BCL2: variants seen among roughly 807,000 people sequenced by gnomAD.
The protein encoded by BCL2 is BCL2 apoptosis regulator, also known as apoptosis regulator Bcl-2.
BCL2 carries 1 observed loss-of-function variant against 14.2 expected under a neutral mutation model. The observed-to-expected ratio is 0.07, with a 90% CI of 0.02 to 0.33. The LOEUF is 0.33. Ranked by LOEUF, BCL2 falls within the 10% of genes least tolerant of loss-of-function variation. The pLI is 0.99. For missense variants in BCL2, 247 were observed against 305.9 expected, an observed-to-expected ratio of 0.81 and a Z score of 1.44; for synonymous variants, 151 against 137.2, an observed-to-expected ratio of 1.10 and a Z score of -0.70.
intron 2 of BCL2, among the ~76,000 whole-genome samples, chr18:63,238,470 T>A (rs1599262443): frequency 6.6e-6 from 1 of 152,222 alleles, no homozygotes; most frequent in South Asian, 2.1e-4. Context: ...AAAAATCCCA[T>A]AGGCATGGGG....
intron 2 of BCL2, among the ~76,000 whole-genome samples, chr18:63,144,246 C>T (rs1914449613): frequency 6.6e-6 from 1 of 152,176 alleles, no homozygotes; most frequent in African/African-American, 2.4e-5. Flanking sequence ...CATAGGCAAA[C>T]CACTTTAAAA....
At chr18:63,244,811 G>C (rs1008438896) in intron 2 of BCL2, among the ~76,000 whole-genome samples, 2 of 152,156 alleles carry the variant, frequency 1.3e-5, no homozygotes, top group Non-Finnish European at 2.9e-5. Context: ...GGCCTCTGTG[G>C]ATTCCTTTTT....
intron 2 of BCL2, among the ~76,000 whole-genome samples, chr18:63,165,439 C>T (rs558540126): frequency 1.3e-5 from 2 of 152,298 alleles, no homozygotes; most frequent in Non-Finnish European, 1.5e-5. Context: ...CTGCAGACCT[C>T]CCTGGCTTGG....
intron 2 of BCL2, among the ~76,000 whole-genome samples, chr18:63,309,349 T>C (rs1913236063): frequency 1.3e-5 from 2 of 152,226 alleles, no homozygotes; most frequent in African/African-American, 2.4e-5. Context: ...ACTGGGCATT[T>C]CCACTTGGAT....
chr18:63,156,116 G>A (rs1024404632), intron 2 of BCL2, among the ~76,000 whole-genome samples: 22 of 142,778 alleles, frequency 1.5e-4, no homozygotes, highest in African/African-American at 5.5e-4. Flanking sequence ...AGGCTTGGAC[G>A]GCATCAGACG....
chr18:63,168,729 C>G lies in BCL2; in HGVS notation c.586-39970G>C, dbSNP rs1915106758. Among the ~76,000 whole-genome samples the G allele has an allele frequency of 2.6e-5, 4 of 152,328 alleles. No homozygotes were observed. The South Asian group carries it at 8.3e-4, about 32-fold the overall frequency. ...TATTGGTATGTCTGGCCTCTGTCGCCTAAATTTCCAAAGATTCCCTCATCT... is the reference window on the plus strand; with the variant it reads ...TATTGGTATGTCTGGCCTCTGTCGCGTAAATTTCCAAAGATTCCCTCATCT... On this transcript the variant is annotated intron_variant, in intron 2 of 2. Transcript: ENST00000333681.
chr18:63,220,807 T>A (rs7230177), intron 2 of BCL2, among the ~76,000 whole-genome samples: 1 of 151,392 alleles, frequency 6.6e-6, no homozygotes. Flanking sequence ...TCCTGAAAGA[T>A]GTCTTCAAGG....
chr18:63,184,736 T>A (rs1294002887), intron 2 of BCL2, among the ~76,000 whole-genome samples: 2 of 152,236 alleles, frequency 1.3e-5, no homozygotes, highest in Non-Finnish European at 2.9e-5. Context: ...CCGACCATGA[T>A]GAATTCAGCA....
rs1002127766 is a variant in BCL2 at position 63,124,373 on chromosome 18, C to T, written c.*4252G>A. Reference sequence around the variant, plus strand: ...GACATATCCAGCTTGAAATTTATACCATTGCACTGCCAAACGGAGCTGCAC... The same window carrying T: ...GACATATCCAGCTTGAAATTTATACTATTGCACTGCCAAACGGAGCTGCAC... On this transcript the variant is annotated 3_prime_UTR_variant, in exon 3 of 3. Transcript: ENST00000333681. 4.3e-6 allele frequency: 1 copy of T among 230,968 alleles called. No homozygotes were observed. Among genetic ancestry groups the T allele is most frequent in the African/African-American group, 2.2e-5 (1 of 45,158 alleles). 14.3% of individuals were successfully genotyped at this position (230,968 alleles called of 1,614,324 possible).
At chr18:63,147,009 A>G (rs1914529877) in intron 2 of BCL2, among the ~76,000 whole-genome samples, 1 of 152,232 alleles carries the variant, frequency 6.6e-6, no homozygotes, top group South Asian at 2.1e-4. Flanking sequence ...TGGCAATGGA[A>G]CACATCCTTT....
chr18:63,219,564 C>A (rs1033774485), intron 2 of BCL2, among the ~76,000 whole-genome samples: 1 of 149,624 alleles, frequency 6.7e-6, no homozygotes, highest in Non-Finnish European at 1.5e-5. Context: ...TCAAGCAATT[C>A]TCCTGTCTCA....
intron 2 of BCL2, among the ~76,000 whole-genome samples, chr18:63,210,283 T>C (rs1909963510): frequency 6.6e-6 from 1 of 152,140 alleles, no homozygotes; most frequent in Non-Finnish European, 1.5e-5. Context: ...TGGCGATTAG[T>C]GGAGGCCTTG....
At chr18:63,251,928 A>G (rs1351732514) in intron 2 of BCL2, among the ~76,000 whole-genome samples, 2 of 151,984 alleles carry the variant, frequency 1.3e-5, no homozygotes, top group Admixed American at 6.5e-5. Context: ...CAAACTCCTA[A>G]CCTCAGGTGA....
intron 2 of BCL2, among the ~76,000 whole-genome samples, chr18:63,297,482 G>C (rs1568262030): frequency 6.6e-6 from 1 of 152,092 alleles, no homozygotes; most frequent in African/African-American, 2.4e-5. Flanking sequence ...CCACAGCCAC[G>C]GCACTGGAGA....
intron 2 of BCL2, among the ~76,000 whole-genome samples, chr18:63,182,259 C>G (rs1216793728): frequency 6.6e-6 from 1 of 152,152 alleles, no homozygotes; most frequent in Non-Finnish European, 1.5e-5. Context: ...GAAGCTGTTC[C>G]CTATCCAGAG....
chr18:63,207,038 G>A lies in BCL2; in HGVS notation c.586-78279C>T, dbSNP rs568524819. 3.9e-5 allele frequency among the ~76,000 whole-genome samples: 6 copies of A among 152,288 alleles called. No homozygotes were observed. The South Asian group carries it at 1.0e-3, about 26-fold the overall frequency. On this transcript the variant is annotated intron_variant, in intron 2 of 2. Transcript: ENST00000333681. ...GGCTCGTGGTGAGCTGGCTGAATTCGGGGTAAACAAGAGGAGATTTCATGC... is the reference window on the plus strand; with the variant it reads ...GGCTCGTGGTGAGCTGGCTGAATTCAGGGTAAACAAGAGGAGATTTCATGC...
At chr18:63,249,137 AC>A (rs1475147258) in intron 2 of BCL2, among the ~76,000 whole-genome samples, 2 of 151,130 alleles carry the variant, frequency 1.3e-5, no homozygotes, top group African/African-American at 2.5e-5. Context: ...CTTTTCAGAA[AC>A]CTTTTTTCAA....
chr18:63,308,859 C>A (rs1913221573), intron 2 of BCL2, among the ~76,000 whole-genome samples: 2 of 152,078 alleles, frequency 1.3e-5, no homozygotes, highest in African/African-American at 4.8e-5. Context: ...TCATTTTATT[C>A]ATTCATTCAA....
intron 2 of BCL2, among the ~76,000 whole-genome samples, chr18:63,192,094 A>G (rs1005936829): frequency 3.9e-5 from 6 of 152,228 alleles, no homozygotes; most frequent in African/African-American, 7.2e-5. Context: ...ATCTCAAAGA[A>G]TAAACAAGCA....
Sources: allele counts gnomAD v4.1 joint callset (sites outside exome capture counted in the v4.1 genomes callset), GRCh38; gene constraint gnomAD v4.1.1; transcripts MANE v1.5; gene names NCBI Gene and HGNC (gene_info 2026-07-23, HGNC 2026-07-21).